The following PANX2 variants were observed in gnomAD, a reference collection of about 807,000 sequenced individuals.
The protein encoded by PANX2 is pannexin-2.
In PANX2, 30 loss-of-function variants were observed where a neutral mutation model predicts 38.7. That is an observed-to-expected ratio of 0.78 (90% CI 0.58 to 1.05). The LOEUF is 1.05. PANX2 is among the 50% of genes least tolerant of loss of function. The pLI is 0.00. For missense variants in PANX2, 880 were observed against 979.3 expected (o/e 0.90, Z 1.35); for synonymous variants, 539 against 472.1 (o/e 1.14, Z -1.84).
intron 1 of PANX2, among the ~76,000 whole-genome samples, chr22:50,172,807 C>T (rs370240548): frequency 1.6e-4 from 25 of 152,008 alleles, no homozygotes; most frequent in African/African-American, 5.5e-4. Context: ...CGGCTCACTG[C>T]GACCTTTGCC....
intron 1 of PANX2, among the ~76,000 whole-genome samples, chr22:50,172,380 A>G (rs1569065447): frequency 6.6e-6 from 1 of 152,100 alleles, no homozygotes. Context: ...TGGCCGTGCC[A>G]CCAGTCTCTG....
Position 50,179,305 on chromosome 22 carries a change from G to A in PANX2, c.*28G>A, listed in dbSNP as rs1463991509. On this transcript the variant is annotated 3_prime_UTR_variant, in exon 3 of 3. Transcript: ENST00000395842. ...GATGGCACCGTCCAGGCCGCCGAGA[G>A]CCCCTCTGCCTGTGTCGTGTGGCCT... 1.3e-6 allele frequency: 2 copies of A among 1,586,454 alleles called. No individual in the cohort carries two copies. The highest frequency in any genetic ancestry group is 1.1e-5 in the South Asian group (1 of 88,740).
In PANX2 at chr22:50,177,521, G is replaced by A. The variant is rs2063669317; in HGVS notation, c.809G>A (p.Gly270Asp). The A allele has an allele frequency of 3.1e-6, 5 of 1,609,990 alleles. No individual in the cohort carries two copies. The East Asian group carries it at 8.9e-5, about 29-fold the overall frequency. The change falls in exon 2 of 3, where the codon GGT becomes GAT. Residue 270 changes from glycine (G) to aspartate (D), a missense_variant. Around this residue, in one of 4 missense-constraint regions of PANX2, gnomAD observed 114 missense variants for 108.8 expected, o/e 1.05. Coordinates refer to ENST00000395842, the MANE Select transcript of PANX2 (RefSeq NM_052839.4). ...ALGASPDGAA[G>D]AGPAVRVSCK... is the part of the protein sequence containing the mutation. ...GGCGCGTCCCCGGACGGGGCGGCAG[G>A]TGCGGGGCCCGCGGTGCGCGTGAGC...
In PANX2 at chr22:50,178,048, C is replaced by T; in HGVS notation, c.1336C>T (p.Pro446Ser). ...CCCGCTTCCGCAGCCCTTCAAGGAG[C>T]CGCTGGCCATCATGCGCGTGGAGAA... is the stretch of plus-strand genomic sequence containing the variant. ...SNPLPQPFKE[P>S]LAIMRVENSK... Residue 446 changes from proline to serine, a missense_variant, in exon 2 of 3, where the codon CCG (proline) becomes TCG (serine). By Grantham distance (74) the Pro-to-Ser change is moderately conservative. Transcript: ENST00000395842. 1.3e-6 allele frequency: 2 copies of T among 1,552,036 alleles called. No homozygotes were observed. Among genetic ancestry groups the T allele is most frequent in the Non-Finnish European group, 1.7e-6 (2 of 1,155,932 alleles).
In PANX2 at chr22:50,177,959, G is replaced by A. The variant is rs1346601714; in HGVS notation, c.1247G>A (p.Gly416Asp). ...DPSANPAEPD[G>D]AAEPPVVKRP... ...AGCGCCAACCCCGCCGAGCCCGACG[G>A]CGCCGCCGAGCCGCCCGTGGTCAAG... is the stretch of plus-strand genomic sequence containing the variant. Residue 416 changes from glycine (G) to aspartate (D), a missense_variant, in exon 2 of 3, where the codon GGC becomes GAC. By Grantham distance (94) the Gly-to-Asp change is moderately conservative. This residue lies in a region of PANX2 where 445 missense variants were observed against 404.3 expected (regional missense o/e 1.10). Coordinates refer to ENST00000395842, the MANE Select transcript of PANX2 (RefSeq NM_052839.4). 1.3e-6 allele frequency: 2 copies of A among 1,533,070 alleles called. No individual in the cohort carries two copies. Among genetic ancestry groups the A allele is most frequent in the East Asian group, 2.5e-5 (1 of 40,354 alleles). 95.0% of individuals were successfully genotyped at this position (1,533,070 alleles called of 1,614,324 possible).
At chr22:50,176,167 G>T (rs78889708) in intron 1 of PANX2, among the ~76,000 whole-genome samples, 4 of 152,256 alleles carry the variant, frequency 2.6e-5, no homozygotes, top group African/African-American at 7.2e-5. Context: ...GGGCCAAGGC[G>T]CGAATGTCCT....
At chr22:50,171,013 G>C in intron 1 of PANX2, 57 bp downstream of exon 1, 1 of 935,554 alleles carries the variant, frequency 1.1e-6, no homozygotes, top group East Asian at 3.4e-5. Context: ...GCAGGTGTCC[G>C]GGAGCTGGCG....
At position 50,178,099 on chromosome 22, in the gene PANX2, G is replaced by T; in HGVS notation, c.1387G>T (p.Ala463Ser). The T allele has an allele frequency of 6.5e-7, 1 of 1,548,414 alleles. No individual in the cohort carries two copies. Among genetic ancestry groups the T allele is most frequent in the Non-Finnish European group, 8.7e-7 (1 of 1,155,950 alleles). ...CAGCAAGGCGGAGAAGCCGAAGCCC[G>T]CGCGCAGGAAGACGGCCACGGACAC... The part of the protein sequence containing the change: ...ENSKAEKPKP[A>S]RRKTATDTLI... The change falls in exon 2 of 3, where the codon GCG becomes TCG. Residue 463 changes from alanine to serine, a missense_variant. Ala to Ser is a moderately conservative substitution (Grantham distance 99). Around this residue, in one of 4 missense-constraint regions of PANX2, gnomAD observed 445 missense variants for 404.3 expected, o/e 1.10. Transcript: ENST00000395842.
chr22:50,178,826 C>A, intron 2 of PANX2, 108 bp from the exon 3 acceptor site: 2 of 938,146 alleles, frequency 2.1e-6, no homozygotes, highest in Non-Finnish European at 3.1e-6. Flanking sequence ...GTCTCCAGGG[C>A]GCTTCAGAGC....
In PANX2 at chr22:50,177,504, C is replaced by T. The variant is rs1315536368; in HGVS notation, c.792C>T (p.Ser264=). 2 of 1,609,542 alleles carry T rather than the reference C, an allele frequency of 1.2e-6. No homozygotes were observed. The highest frequency in any genetic ancestry group is 2.2e-5 in the South Asian group (2 of 90,848). The change falls in exon 2 of 3, where the codon TCC becomes TCT. Residue 264 remains serine (S), a synonymous_variant. Coordinates refer to ENST00000395842, the MANE Select transcript of PANX2 (RefSeq NM_052839.4). ...AGTTCACCTGCGCGCTGGGCGCGTC[C>T]CCGGACGGGGCGGCAGGTGCGGGGC... ...QNEFTCALGA[S]PDGAAGAGPA... is the part of the protein sequence containing the mutation.
intron 1 of PANX2, chr22:50,175,513 G>A (rs1334856839): frequency 2.6e-6 from 3 of 1,174,514 alleles, no homozygotes; most frequent in Non-Finnish European, 3.4e-6. Flanking sequence ...TCTCAACCAA[G>A]AGAGTGGATT....
chr22:50,179,223 C>A lies in PANX2; in HGVS notation c.1980C>A (p.Ile660=). 1 of 1,612,750 alleles carries A rather than the reference C, an allele frequency of 6.2e-7. No homozygotes were observed. Among genetic ancestry groups the A allele is most frequent in the Non-Finnish European group, 8.5e-7 (1 of 1,179,902 alleles). The change falls in exon 3 of 3, where the codon ATC becomes ATA. Residue 660 remains isoleucine, a synonymous_variant. Coordinates refer to ENST00000395842, the MANE Select transcript of PANX2 (RefSeq NM_052839.4). ...TCGCCATCCCTGCCCCACAGCAGATCCTCATCGCCACCTTCGACGAGCCGA... is the reference window on the plus strand; with the variant it reads ...TCGCCATCCCTGCCCCACAGCAGATACTCATCGCCACCTTCGACGAGCCGA... ...DLIAIPAPQQ[I]LIATFDEPRT...
rs2063689501 is a variant in PANX2, at chr22:50,179,823, C to CACTTTCTCCTTCT, written c.*557_*558insCTACTTTCTCCTT. 6.4e-6 allele frequency: 1 copy of CACTTTCTCCTTCT among 156,780 alleles called. No individual in the cohort carries two copies. Among genetic ancestry groups the CACTTTCTCCTTCT allele is most frequent in the South Asian group, 1.9e-4 (1 of 5,174 alleles). 9.7% of individuals were successfully genotyped at this position (156,780 alleles called of 1,614,324 possible). A position where few individuals can be genotyped will look rare whatever the true frequency, so the allele number is the denominator to read the frequency against. On this transcript the variant is annotated 3_prime_UTR_variant, in exon 3 of 3. Coordinates refer to ENST00000395842, the MANE Select transcript of PANX2 (RefSeq NM_052839.4). ...CACCCTCGGGTCAAAGGTCAACGTGCACTTTCTCCTTGTCGCCTGACAGAC... is the reference window on the plus strand; with the variant it reads ...CACCCTCGGGTCAAAGGTCAACGTGCACTTTCTCCTTCTACTTTCTCCTTGTCGCCTGACAGAC...
chr22:50,178,121 A>G lies in PANX2; in HGVS notation c.1409A>G (p.Asp470Gly). The G allele has an allele frequency of 6.5e-7, 1 of 1,539,942 alleles. No individual in the cohort carries two copies. Among genetic ancestry groups the G allele is most frequent in the Non-Finnish European group, 8.7e-7 (1 of 1,151,940 alleles). ...PKPARRKTAT[D>G]TLIAPLLDRS... The stretch of plus-strand genomic sequence containing the variant: ...CCCGCGCGCAGGAAGACGGCCACGG[A>G]CACGCTGATCGCGCCGCTGCTGGAC... Residue 470 changes from aspartate (D) to glycine (G), a missense_variant, in exon 2 of 3, where the codon GAC (aspartate) becomes GGC (glycine). Asp to Gly is a moderately conservative substitution (Grantham distance 94). Around this residue, in one of 4 missense-constraint regions of PANX2, gnomAD observed 445 missense variants for 404.3 expected, o/e 1.10. Coordinates refer to ENST00000395842, the MANE Select transcript of PANX2 (RefSeq NM_052839.4).
In PANX2 at chr22:50,179,406, T is replaced by C. The variant is rs2063686206; in HGVS notation, c.*129T>C. The C allele has an allele frequency of 9.9e-6, 8 of 809,886 alleles. No individual in the cohort carries two copies. The Admixed American group carries it at 1.0e-4, about 10-fold the overall frequency. The allele number at this position is 809,886 out of a possible 1,614,324, so 50.2% of individuals were successfully genotyped here. On this transcript the variant is annotated 3_prime_UTR_variant, in exon 3 of 3. Transcript: ENST00000395842. ...GCCCGCACTGCGCGCATCCCCAACC[T>C]CTGTCCGCATGCCTGGGGCCTTCGC...
intron 1 of PANX2, among the ~76,000 whole-genome samples, chr22:50,175,652 A>G (rs552028875): frequency 6.6e-6 from 1 of 152,128 alleles, no homozygotes; most frequent in East Asian, 1.9e-4. Context: ...AACCCTCCAG[A>G]GTCCCCAGGA....
Position 50,179,467 on chromosome 22 carries a change from C to T in PANX2, c.*190C>T. On this transcript the variant is annotated 3_prime_UTR_variant, in exon 3 of 3. Transcript: ENST00000395842. The stretch of plus-strand genomic sequence containing the variant: ...TCGACAGGGGAACCCGCCCGGACGG[C>T]ATCGCCAGGCACTGGCTGGGGTGGG... 1.7e-6 allele frequency: 1 copy of T among 581,954 alleles called. No homozygotes were observed. 36.0% of individuals were successfully genotyped at this position (581,954 alleles called of 1,614,324 possible).
In PANX2 at chr22:50,179,509, G is replaced by A; in HGVS notation, c.*232G>A. ...TGGGGTGGGGAAAGGTGGCCCAGTGGAGCCGGTGGCCAGGAAGGCTGAAGC... is the reference window on the plus strand; with the variant it reads ...TGGGGTGGGGAAAGGTGGCCCAGTGAAGCCGGTGGCCAGGAAGGCTGAAGC... On this transcript the variant is annotated 3_prime_UTR_variant, in exon 3 of 3. Coordinates refer to ENST00000395842, the MANE Select transcript of PANX2 (RefSeq NM_052839.4). The A allele has an allele frequency of 3.7e-6, 2 of 542,976 alleles. No individual in the cohort carries two copies. The highest frequency in any genetic ancestry group is 2.0e-5 in the African/African-American group (1 of 51,054). The allele number at this position is 542,976 out of a possible 1,614,324, so 33.6% of individuals were successfully genotyped here.
intron 1 of PANX2, 60 bp downstream of exon 1, chr22:50,171,016 A>T: frequency 1.1e-6 from 1 of 902,362 alleles, no homozygotes; most frequent in South Asian, 2.2e-5. Flanking sequence ...GGTGTCCGGG[A>T]GCTGGCGCTT....
Sources: allele counts gnomAD v4.1 joint callset (sites outside exome capture counted in the v4.1 genomes callset), GRCh38; gene constraint gnomAD v4.1.1; regional missense constraint gnomAD v4.1.1; transcripts MANE v1.5; gene names NCBI Gene and HGNC (gene_info 2026-07-23, HGNC 2026-07-21).